The following DYNC1H1 variants were observed in gnomAD, a reference collection of about 807,000 sequenced individuals.
The protein encoded by DYNC1H1 is cytoplasmic dynein 1 heavy chain 1.
In DYNC1H1, 51 loss-of-function variants were observed where a neutral mutation model predicts 527.1. The observed-to-expected ratio is 0.10, with a 90% confidence interval of 0.08 to 0.12. The LOEUF (loss-of-function observed/expected upper bound fraction) is 0.12, where lower values mean the gene tolerates loss of function less well. DYNC1H1 is among the 10% of genes least tolerant of loss of function. DYNC1H1 has a pLI of 1.00. For synonymous variants in DYNC1H1, 2,189 were observed against 2,278.8 expected (o/e 0.96, Z 1.12); for missense variants, 2,771 against 5,971.8 (o/e 0.46, Z 17.66).
At chr14:101,973,358 C>T (rs1439110544) in intron 1 of DYNC1H1, among the ~76,000 whole-genome samples, 2 of 152,024 alleles carry the variant, frequency 1.3e-5, no homozygotes, top group South Asian at 4.1e-4. Flanking sequence ...TAGGGTTTCA[C>T]CATGTTGGCC....
At chr14:101,981,618 G>A (rs2720218) in intron 5 of DYNC1H1, among the ~76,000 whole-genome samples, 8 of 152,144 alleles carry the variant, frequency 5.3e-5, no homozygotes, top group Admixed American at 3.3e-4. Context: ...CCCAAAAAAC[G>A]TATGGTACCC....
intron 29 of DYNC1H1, among the ~76,000 whole-genome samples, chr14:102,009,040 A>G (rs2048229408): frequency 6.6e-6 from 1 of 152,124 alleles, no homozygotes. Context: ...CAGCCTCCCC[A>G]GCCACCTGTC....
intron 73 of DYNC1H1, 101 bp downstream of exon 73, chr14:102,048,129 C>T (rs1431991031): frequency 9.8e-6 from 14 of 1,422,086 alleles, no homozygotes; most frequent in Admixed American, 5.9e-5. Context: ...CTGTGCCGGA[C>T]GGAACGTACT....
chr14:101,986,296 A>G lies in DYNC1H1; in HGVS notation c.2071A>G (p.Met691Val), dbSNP rs745510694. The change falls in exon 8 of 78, where the codon ATG (methionine) becomes GTG (valine). Residue 691 changes from methionine (M) to valine (V), a missense_variant. By Grantham distance (21) the Met-to-Val change is conservative. This residue lies in a region of DYNC1H1 where 264 missense variants were observed against 619.4 expected (regional missense o/e 0.43). Transcript: ENST00000360184. The surrounding 1 kb of genome is among the most constrained non-coding windows in gnomAD (Gnocchi z 8.7). ...KLKQDGDSFR[M>V]KLNTQEIFDD... ...GAAGCAGGATGGAGACAGCTTCCGC[A>G]TGAAGCTCAACACGCAGGAGATCTT... 6.2e-7 allele frequency: 1 copy of G among 1,614,008 alleles called. No individual in the cohort carries two copies. The highest frequency in any genetic ancestry group is 8.5e-7 in the Non-Finnish European group (1 of 1,179,940).
At chr14:101,990,545 T>C (rs2047984748) in intron 10 of DYNC1H1, among the ~76,000 whole-genome samples, 1 of 152,148 alleles carries the variant, frequency 6.6e-6, no homozygotes, top group South Asian at 2.1e-4. Context: ...TGAAGTAGTT[T>C]AGTAATTTAG....
At chr14:101,980,788 G>T (rs1210493382) in intron 5 of DYNC1H1, among the ~76,000 whole-genome samples, 4 of 152,138 alleles carry the variant, frequency 2.6e-5, no homozygotes, top group Admixed American at 2.6e-4. Flanking sequence ...CAGTCTCTAG[G>T]TATGAGCACA....
intron 18 of DYNC1H1, 87 bp downstream of exon 18, chr14:102,000,486 T>C (rs2048117204): frequency 2.4e-6 from 3 of 1,257,616 alleles, no homozygotes; most frequent in Non-Finnish European, 3.5e-6. Flanking sequence ...TTTGTGTATT[T>C]GTATTGTGAG....
rs2048355304 is a variant in DYNC1H1, at chr14:102,018,986, C to T, written c.8343+370C>T. ...GAAGTTTATTGAAATAAAGATTGGA[C>T]TTTATTCAGAGATGTTATTGAGCCG... On this transcript the variant is annotated intron_variant, in intron 41 of 77. Transcript: ENST00000360184. This position sits in a 1 kb window ranked among gnomAD's most constrained non-coding sequence, Gnocchi z 5.2. Among the ~76,000 whole-genome samples the T allele has an allele frequency of 6.6e-6, 1 of 152,102 alleles. No individual in the cohort carries two copies. The highest frequency in any genetic ancestry group is 2.1e-4 in the South Asian group (1 of 4,834).
intron 77 of DYNC1H1, 116 bp downstream of exon 77, chr14:102,050,314 A>G: frequency 6.2e-7 from 1 of 1,610,612 alleles, no homozygotes; most frequent in Non-Finnish European, 8.5e-7. Context: ...AGGTTCACAG[A>G]GGAAATCCAT....
Position 102,020,027 on chromosome 14 carries a change from A to G in DYNC1H1, c.8478A>G (p.Ala2826=), listed in dbSNP as rs117846737. 555 of 1,614,212 alleles carry G rather than the reference A, an allele frequency of 3.4e-4. No homozygotes were observed. Among genetic ancestry groups the G allele is most frequent in the Non-Finnish European group, 4.5e-4 (534 of 1,180,036 alleles). ...TTGAAGGCCTCATTCGGATTTGGGC[A>G]CATGAAGCTCTGCGTCTCTTCCAAG... ...LPVEGLIRIW[A]HEALRLFQDR... Residue 2826 remains alanine, a synonymous_variant, in exon 42 of 78, where the codon GCA becomes GCG. Transcript: ENST00000360184. This position sits in a 1 kb window ranked among gnomAD's most constrained non-coding sequence, Gnocchi z 4.3.
In DYNC1H1 at chr14:101,997,466, A is replaced by G. The variant is rs1041947360; in HGVS notation, c.3804+192A>G. 2.6e-5 allele frequency among the ~76,000 whole-genome samples: 4 copies of G among 152,190 alleles called. No individual in the cohort carries two copies. The highest frequency in any genetic ancestry group is 5.9e-5 in the Non-Finnish European group (4 of 68,034). On this transcript the variant is annotated intron_variant, in intron 16 of 77. Coordinates refer to ENST00000360184, the MANE Select transcript of DYNC1H1 (RefSeq NM_001376.5). The surrounding 1 kb of genome is among the most constrained non-coding windows in gnomAD (Gnocchi z 4.8). ...TGAAGCCCAGCTTAGACCTCTTTTT[A>G]CTCAGAATGGCATTCAGTAGCTGGT...
At position 102,019,991 on chromosome 14, in the gene DYNC1H1, G is replaced by C. The variant is rs762494017; in HGVS notation, c.8442G>C (p.Glu2814Asp). The change falls in exon 42 of 78, where the codon GAG becomes GAC. Residue 2814 changes from glutamate (E) to aspartate (D), a missense_variant. Coordinates refer to ENST00000360184, the MANE Select transcript of DYNC1H1 (RefSeq NM_001376.5). Reference sequence around the variant, plus strand: ...TCTTTGAAGCGCTGAGACCTCTGGAGACCCTGCCTGTTGAAGGCCTCATTC... The same window carrying C: ...TCTTTGAAGCGCTGAGACCTCTGGACACCCTGCCTGTTGAAGGCCTCATTC... ...RGIFEALRPL[E>D]TLPVEGLIRI... The C allele has an allele frequency of 4.5e-5, 72 of 1,614,064 alleles. No individual in the cohort carries two copies. The highest frequency in any genetic ancestry group is 5.8e-5 in the Non-Finnish European group (69 of 1,180,040).
At position 102,010,127 on chromosome 14, in the gene DYNC1H1, A is replaced by T. The variant is rs894672223; in HGVS notation, c.6221+41A>T. The T allele has an allele frequency of 6.2e-6, 10 of 1,613,346 alleles. No homozygotes were observed. The highest frequency in any genetic ancestry group is 8.5e-6 in the Non-Finnish European group (10 of 1,180,036). On this transcript the variant is annotated intron_variant, in intron 30 of 77. Transcript: ENST00000360184. The surrounding 1 kb of genome is among the most constrained non-coding windows in gnomAD (Gnocchi z 6.0). ...TTCTTCATAATCATGTTTCTTGCAT[A>T]TGTTAAATGTGTCCATTTAACCTTA... is the stretch of plus-strand genomic sequence containing the variant.
rs2048336875 is a variant in DYNC1H1 at position 102,017,510 on chromosome 14, A to AC, written c.8177+7dup. ...AGAAAGCCCCTCTCACACAGGTAAA[A>AC]CAGCTCGGTAGACTGCTCTGCTTCA... On this transcript the variant is annotated splice_region_variant and intron_variant, in intron 40 of 77. Transcript: ENST00000360184. The surrounding 1 kb of genome is among the most constrained non-coding windows in gnomAD (Gnocchi z 4.6). The AC allele has an allele frequency of 6.2e-7, 1 of 1,613,722 alleles. No individual in the cohort carries two copies. The highest frequency in any genetic ancestry group is 1.1e-5 in the South Asian group (1 of 91,062).
In DYNC1H1 at chr14:101,991,459, C is replaced by CT. The variant is rs567432201; in HGVS notation, c.2869-67dup. On this transcript the variant is annotated intron_variant, in intron 10 of 77. Transcript: ENST00000360184. ...CAGCCTGGGCAGTAAGAGTGAAACT[C>CT]TGTCTTAAAAAAATTTTTTTTATTG... 1.4e-3 allele frequency: 2,202 copies of CT among 1,596,944 alleles called. 31 individuals carry two copies. In the African/African-American group the frequency reaches 0.026, roughly 19 times the overall value.
At chr14:101,984,351 A>T (rs1330176875) in intron 7 of DYNC1H1, among the ~76,000 whole-genome samples, 3 of 143,720 alleles carry the variant, frequency 2.1e-5, no homozygotes, top group Non-Finnish European at 4.5e-5. Flanking sequence ...TGTCTTTAAG[A>T]TCTAGTGATT....
In DYNC1H1 at chr14:102,042,139, G is replaced by A. The variant is rs768961745; in HGVS notation, c.12214+15G>A. The A allele has an allele frequency of 6.2e-7, 1 of 1,614,064 alleles. No homozygotes were observed. The highest frequency in any genetic ancestry group is 1.6e-4 in the Middle Eastern group (1 of 6,062). The stretch of plus-strand genomic sequence containing the variant: ...AATTGCAATCGGTAAGGATGCTTGA[G>A]GGGCTTCATGGGCTGGAGCCCTGCA... On this transcript the variant is annotated intron_variant, in intron 66 of 77. Transcript: ENST00000360184. The surrounding 1 kb of genome is among the most constrained non-coding windows in gnomAD (Gnocchi z 5.7).
rs974588495 is a variant in DYNC1H1, at chr14:102,002,995, G to A, written c.4883+30G>A. On this transcript the variant is annotated intron_variant, in intron 23 of 77. Transcript: ENST00000360184. This position sits in a 1 kb window ranked among gnomAD's most constrained non-coding sequence, Gnocchi z 4.4. Reference sequence around the variant, plus strand: ...GATCCTTGCTTTGACTTGGCCTGGAGTCAAGTTGAATTTCAGTTGTGCATT... The same window carrying A: ...GATCCTTGCTTTGACTTGGCCTGGAATCAAGTTGAATTTCAGTTGTGCATT... The A allele has an allele frequency of 1.1e-5, 18 of 1,613,350 alleles. No homozygotes were observed. Among genetic ancestry groups the A allele is most frequent in the African/African-American group, 2.7e-5 (2 of 74,914 alleles).
Position 102,040,676 on chromosome 14 carries a change from A to G in DYNC1H1, c.11941+3A>G, listed in dbSNP as rs199535737. 1 of 1,614,244 alleles carries G rather than the reference A, an allele frequency of 6.2e-7. No individual in the cohort carries two copies. Among genetic ancestry groups the G allele is most frequent in the Non-Finnish European group, 8.5e-7 (1 of 1,180,044 alleles). On this transcript the variant is annotated splice_donor_region_variant and intron_variant, in intron 64 of 77. Coordinates refer to ENST00000360184, the MANE Select transcript of DYNC1H1 (RefSeq NM_001376.5). Reference sequence around the variant, plus strand: ...CTGGAGTGAAGAAACACCTGCAAGTAAGCCCCACTGTGGTTTTCTTTCTGG... The same window carrying G: ...CTGGAGTGAAGAAACACCTGCAAGTGAGCCCCACTGTGGTTTTCTTTCTGG...
Sources: gnomAD v4.1 joint callset for allele counts (sites outside exome capture counted in the v4.1 genomes callset) on GRCh38, gnomAD v4.1.1 for gene constraint, gnomAD v4.1.1 regional missense constraint, Gnocchi (gnomAD v3.1) non-coding constraint, MANE v1.5 for transcripts, NCBI Gene and HGNC (gene_info 2026-07-23, HGNC 2026-07-21) for gene names.